Variants in TMEM63C observed in about 807,000 individuals in gnomAD.
TMEM63C encodes the protein transmembrane protein 63C, also known as osmosensitive cation channel TMEM63C.
A neutral mutation model predicts 99.2 loss-of-function variants in TMEM63C; 32 were observed. That is an observed-to-expected ratio of 0.32 (90% CI 0.24 to 0.43). TMEM63C has a LOEUF of 0.43. TMEM63C is among the 20% of genes least tolerant of loss of function. The pLI is 1.00. For synonymous variants in TMEM63C, 376 were observed against 397.9 expected, an observed-to-expected ratio of 0.94 and a Z score of 0.66; for missense variants, 826 against 1,053.0, an observed-to-expected ratio of 0.78 and a Z score of 2.98.
chr14:77,241,925 A>G (rs1889183400), intron 13 of TMEM63C, among the ~76,000 whole-genome samples: 1 of 152,252 alleles, frequency 6.6e-6, no homozygotes, highest in South Asian at 2.1e-4. Context: ...TGCAATGGAA[A>G]TGATACTGGT....
intron 5 of TMEM63C, among the ~76,000 whole-genome samples, chr14:77,223,399 G>A (rs969027414): frequency 7.2e-5 from 11 of 152,132 alleles, no homozygotes; most frequent in Admixed American, 7.2e-4. Flanking sequence ...AGGTGGTGTG[G>A]GTGAAGAAAA....
intron 1 of TMEM63C, among the ~76,000 whole-genome samples, chr14:77,197,908 C>G (rs1888238492): frequency 6.6e-6 from 1 of 152,208 alleles, no homozygotes; most frequent in South Asian, 2.1e-4. Context: ...CAGCCCACAT[C>G]TGGGGGTTTG....
intron 13 of TMEM63C, among the ~76,000 whole-genome samples, chr14:77,241,753 C>T (rs981911994): frequency 1.3e-5 from 2 of 152,222 alleles, no homozygotes; most frequent in Non-Finnish European, 2.9e-5. Context: ...TAAAGCAATA[C>T]ACCTACCTAA....
At position 77,241,277 on chromosome 14, in the gene TMEM63C, A is replaced by T. The variant is rs1404288905; in HGVS notation, c.1064+669A>T. ...ACACACACATCACTCCCTCCTCACC[A>T]TAAGAGAGCGTCAGGATAGAGCAGC... On this transcript the variant is annotated intron_variant, in intron 13 of 23. Transcript: ENST00000298351. 2.0e-5 allele frequency among the ~76,000 whole-genome samples: 3 copies of T among 152,108 alleles called. 1 individual carries two copies. The South Asian group carries it at 6.2e-4, about 32-fold the overall frequency.
intron 1 of TMEM63C, among the ~76,000 whole-genome samples, chr14:77,205,813 T>G (rs34970502): frequency 0.059 from 8,949 of 152,202 alleles, 353 homozygotes; most frequent in Admixed American, 0.095. Context: ...AGAGCTCAGA[T>G]GTCAAAAGGA....
At chr14:77,212,446 G>C (rs1206769378) in intron 1 of TMEM63C, 1 of 152,298 alleles carries the variant, frequency 6.6e-6, no homozygotes, top group Non-Finnish European at 1.5e-5. Flanking sequence ...GCTACGCCCT[G>C]CTGGGCTGGT....
rs1889532565 is a variant in TMEM63C at position 77,259,068 on chromosome 14, C to T, written c.*2342C>T. 6.5e-6 allele frequency: 1 copy of T among 152,990 alleles called. No individual in the cohort carries two copies. Among genetic ancestry groups the T allele is most frequent in the Admixed American group, 6.5e-5 (1 of 15,274 alleles). 9.5% of individuals were successfully genotyped at this position (152,990 alleles called of 1,614,324 possible). ...TTTTAGCCTCCCCCCGCCACCACAT[C>T]CAGGCCCTCTCAGGCACCTCCTGCC... is the stretch of plus-strand genomic sequence containing the variant. On this transcript the variant is annotated 3_prime_UTR_variant, in exon 24 of 24. Coordinates refer to ENST00000298351, the MANE Select transcript of TMEM63C (RefSeq NM_020431.4).
At chr14:77,237,020 C>A (rs903446259) in intron 9 of TMEM63C, among the ~76,000 whole-genome samples, 4 of 150,596 alleles carry the variant, frequency 2.7e-5, no homozygotes, top group Admixed American at 6.6e-5. Context: ...TCCACCCTCT[C>A]ACGCTCCTCC....
At chr14:77,251,697 C>T in intron 21 of TMEM63C, 92 bp from the exon 22 acceptor site, 1 of 979,912 alleles carries the variant, frequency 1.0e-6, no homozygotes, top group South Asian at 1.3e-5. Flanking sequence ...AAAGCCCTTG[C>T]AGTGGTGCTG....
In TMEM63C at chr14:77,238,309, G is replaced by A. The variant is rs1374435274; in HGVS notation, c.652-385G>A. 8.5e-5 allele frequency among the ~76,000 whole-genome samples: 13 copies of A among 152,316 alleles called. No individual in the cohort carries two copies. In the South Asian group the frequency reaches 2.7e-3, roughly 32 times the overall value. ...CTACAGGGAGAGCAGAAATCACTGT[G>A]GGGTCGCTCTGGCAGCTCTTTCCAA... On this transcript the variant is annotated intron_variant, in intron 9 of 23. Transcript: ENST00000298351.
chr14:77,252,298 G>GA (rs1453843552), intron 22 of TMEM63C, among the ~76,000 whole-genome samples: 1 of 151,794 alleles, frequency 6.6e-6, no homozygotes, highest in Non-Finnish European at 1.5e-5. Flanking sequence ...AAAAAGAGGG[G>GA]GGATTGTCAT....
chr14:77,212,034 G>C (rs1367571847), intron 1 of TMEM63C, among the ~76,000 whole-genome samples: 1 of 152,188 alleles, frequency 6.6e-6, no homozygotes, highest in Non-Finnish European at 1.5e-5. Context: ...CCTCTTGCCT[G>C]CCCCAGAACA....
chr14:77,244,315 G>T (rs557178134), intron 15 of TMEM63C, 34 bp from the exon 16 acceptor site: 1 of 1,500,788 alleles, frequency 6.7e-7, no homozygotes, highest in East Asian at 2.3e-5. Context: ...TTGCATTGAC[G>T]TCTCTCCTGC....
At position 77,257,519 on chromosome 14, in the gene TMEM63C, T is replaced by C. The variant is rs554061923; in HGVS notation, c.*793T>C. On this transcript the variant is annotated 3_prime_UTR_variant, in exon 24 of 24. Coordinates refer to ENST00000298351, the MANE Select transcript of TMEM63C (RefSeq NM_020431.4). ...CCTTGCTGGGTAACACAAAGTGGGG[T>C]GAGACGACAGAAGCCGAATTCATGG... 1 of 152,174 alleles carries C rather than the reference T, an allele frequency of 6.6e-6. No individual in the cohort carries two copies. The highest frequency in any genetic ancestry group is 1.9e-4 in the East Asian group (1 of 5,174). The allele number at this position is 152,174 out of a possible 1,614,324, so 9.4% of individuals were successfully genotyped here. A position where few individuals can be genotyped will look rare whatever the true frequency, so the allele number is the denominator to read the frequency against.
intron 1 of TMEM63C, among the ~76,000 whole-genome samples, chr14:77,201,737 G>A (rs779715528): frequency 5.3e-5 from 8 of 152,204 alleles, no homozygotes; most frequent in Admixed American, 6.5e-5. Flanking sequence ...AAGGGTGTGC[G>A]TTCACTTTCC....
chr14:77,226,045 G>A (rs1463231185), intron 6 of TMEM63C, among the ~76,000 whole-genome samples: 1 of 152,156 alleles, frequency 6.6e-6, no homozygotes, highest in Non-Finnish European at 1.5e-5. Context: ...CCAGCCAGAC[G>A]CTTCAGCAGA....
intron 5 of TMEM63C, among the ~76,000 whole-genome samples, chr14:77,223,734 C>T (rs973492471): frequency 6.6e-6 from 1 of 152,172 alleles, no homozygotes; most frequent in Non-Finnish European, 1.5e-5. Context: ...TACTCATGAC[C>T]TCTGCCCTTT....
At chr14:77,186,801 C>G (rs1566858) in intron 1 of TMEM63C, among the ~76,000 whole-genome samples, 25,413 of 145,754 alleles carry the variant, frequency 0.17, 2,601 homozygotes, top group African/African-American at 0.26. Context: ...GTGTGTGTGT[C>G]TGTGTGTGTG....
chr14:77,219,039 G>A (rs1888643444), intron 3 of TMEM63C, 76 bp downstream of exon 3: 14 of 1,395,582 alleles, frequency 1.0e-5, no homozygotes, highest in African/African-American at 1.5e-5. Flanking sequence ...ATGCAGTGGG[G>A]GACCCAGTTG....
Sources: allele counts gnomAD v4.1 joint callset (sites outside exome capture counted in the v4.1 genomes callset), GRCh38; gene constraint gnomAD v4.1.1; transcripts MANE v1.5; gene names NCBI Gene and HGNC (gene_info 2026-07-23, HGNC 2026-07-21).